The following CYP4A22 variants were observed in gnomAD, a reference collection of about 807,000 sequenced individuals.
CYP4A22 encodes the protein cytochrome P450 family 4 subfamily A member 22, also known as cytochrome P450 4A22.
A neutral mutation model predicts 56.2 loss-of-function variants in CYP4A22; 46 were observed. That is an observed-to-expected ratio of 0.82 (90% confidence interval 0.65 to 1.05). The LOEUF is 1.05. Among genes scored for constraint, CYP4A22 ranks in the 50% least tolerant of loss-of-function variants. CYP4A22 has a pLI of 0.00. For missense variants in CYP4A22, 541 were observed against 645.9 expected, an observed-to-expected ratio of 0.84 and a Z score of 1.76; for synonymous variants, 193 against 251.1, an observed-to-expected ratio of 0.77 and a Z score of 2.19.
chr1:47,140,378 G>A (rs1238826360), intron 1 of CYP4A22, among the ~76,000 whole-genome samples: 1 of 152,092 alleles, frequency 6.6e-6, no homozygotes, highest in African/African-American at 2.4e-5. Context: ...AATATAACAA[G>A]TATGATTATA....
rs774220009 is a variant in CYP4A22, at chr1:47,137,648, C to G, written c.163C>G (p.Pro55Ala). 1.2e-6 allele frequency: 2 copies of G among 1,613,484 alleles called. No individual in the cohort carries two copies. The highest frequency in any genetic ancestry group is 3.3e-5 in the Admixed American group (2 of 60,004). Reference sequence around the variant, plus strand: ...AGCCCTCCAGCAGTTCCCGTGCCCTCCCTCCCACTGGCTCTTCGGGCACAT... The same window carrying G: ...AGCCCTCCAGCAGTTCCCGTGCCCTGCCTCCCACTGGCTCTTCGGGCACAT... ...LKALQQFPCP[P>A]SHWLFGHIQE... Residue 55 changes from proline to alanine, a missense_variant, in exon 1 of 12, where the codon CCC (proline) becomes GCC (alanine). Transcript: ENST00000371891.
In CYP4A22 at chr1:47,148,781, A is replaced by T. The variant is rs142987331; in HGVS notation, c.1544A>T (p.Asp515Val). The T allele has an allele frequency of 1.3e-4, 208 of 1,609,210 alleles. No homozygotes were observed. The Middle Eastern group carries it at 3.5e-3, about 27-fold the overall frequency. Residue 515 changes from aspartate (D) to valine (V), a missense_variant, in exon 12 of 12, where the codon GAC becomes GTC. Physicochemically the swap from Asp to Val is radical, Grantham distance 152. This residue lies in a region of CYP4A22 where 204 missense variants were observed against 258.9 expected (regional missense o/e 0.79). Coordinates refer to ENST00000371891, the MANE Select transcript of CYP4A22 (RefSeq NM_001010969.4). ...RLRRLPNPCEDKDQL is the reference protein window; with the variant it reads ...RLRRLPNPCEVKDQL The stretch of plus-strand genomic sequence containing the variant: ...AGGAGGCTCCCTAACCCTTGTGAAG[A>T]CAAGGACCAGCTTTGAGGGCCTCCA...
chr1:47,138,558 G>C (rs1406135975), intron 1 of CYP4A22, among the ~76,000 whole-genome samples: 1 of 152,204 alleles, frequency 6.6e-6, no homozygotes, highest in Non-Finnish European at 1.5e-5. Flanking sequence ...GCTGCATGTA[G>C]CTCAGGATGG....
chr1:47,147,581 C>G (rs373819504), intron 11 of CYP4A22, among the ~76,000 whole-genome samples: 1 of 152,172 alleles, frequency 6.6e-6, no homozygotes, highest in African/African-American at 2.4e-5. Flanking sequence ...TGGTGCTGTC[C>G]GTGGCACTGG....
chr1:47,141,495 C>G lies in CYP4A22; in HGVS notation c.338-76C>G, dbSNP rs1645008494. The G allele has an allele frequency of 4.5e-6, 7 of 1,543,346 alleles. No homozygotes were observed. The Admixed American group carries it at 1.0e-4, about 23-fold the overall frequency. ...GGTCAAACTGCCAACTGACAGACAC[C>G]AAGAACTGATGCTGCCTCTGAGACT... On this transcript the variant is annotated intron_variant, in intron 2 of 11. Transcript: ENST00000371891.
Position 47,137,832 on chromosome 1 carries a change from C to T in CYP4A22, c.195+152C>T, listed in dbSNP as rs1644961242. 8 of 1,364,904 alleles carry T rather than the reference C, an allele frequency of 5.9e-6. No individual in the cohort carries two copies. The South Asian group carries it at 1.1e-4, about 19-fold the overall frequency. 84.5% of individuals were successfully genotyped at this position (1,364,904 alleles called of 1,614,324 possible). A position where few individuals can be genotyped will look rare whatever the true frequency, so the allele number is the denominator to read the frequency against. ...CTACCTCTCTGGTTTCAGCTTGTCC[C>T]AGTCATGAGGAGCTCACTCCTCCCA... On this transcript the variant is annotated intron_variant, in intron 1 of 11. Transcript: ENST00000371891.
chr1:47,137,476 G>A lies in CYP4A22; in HGVS notation c.-10G>A. The A allele has an allele frequency of 6.2e-7, 1 of 1,608,746 alleles. No homozygotes were observed. The highest frequency in any genetic ancestry group is 8.5e-7 in the Non-Finnish European group (1 of 1,177,120). On this transcript the variant is annotated 5_prime_UTR_variant, in exon 1 of 12. The change creates a new upstream start codon in the 5' untranslated region. Transcript: ENST00000371891. ...GAAGGGGCACTCAGAGATCCAGCAG[G>A]TGCTGCACCATGAGTGTCTCTGTCC...
intron 4 of CYP4A22, 57 bp downstream of exon 4, chr1:47,142,292 A>G: frequency 6.5e-7 from 1 of 1,529,902 alleles, no homozygotes; most frequent in Non-Finnish European, 8.8e-7. Flanking sequence ...ACTCTCACCA[A>G]CTCCACTCTC....
At chr1:47,146,606 G>A in intron 11 of CYP4A22, 7 of 1,015,860 alleles carry the variant, frequency 6.9e-6, no homozygotes, top group Non-Finnish European at 8.3e-6. Context: ...CTGTCGTAGA[G>A]ATGAATCATT....
rs779738373 is a variant in CYP4A22 at position 47,137,698 on chromosome 1, G to C, written c.195+18G>C. On this transcript the variant is annotated intron_variant, in intron 1 of 11. Transcript: ENST00000371891. ...TCCAGGAGGTAGGGAGGAACTCAGT[G>C]GGGGAGTGGGAGGGCAAGGAGGGAT... The C allele has an allele frequency of 6.3e-7, 1 of 1,596,590 alleles. No individual in the cohort carries two copies. The highest frequency in any genetic ancestry group is 8.5e-7 in the Non-Finnish European group (1 of 1,170,132).
intron 11 of CYP4A22, among the ~76,000 whole-genome samples, chr1:47,147,824 G>A (rs556841147): frequency 6.6e-6 from 1 of 152,334 alleles, no homozygotes; most frequent in South Asian, 2.1e-4. Context: ...TCTGCCGGCT[G>A]AGGCATTGGG....
intron 11 of CYP4A22, among the ~76,000 whole-genome samples, chr1:47,148,219 C>T (rs1645096348): frequency 6.6e-6 from 1 of 152,230 alleles, no homozygotes; most frequent in Non-Finnish European, 1.5e-5. Flanking sequence ...CCTACAGGAC[C>T]TGAACTGACC....
rs745474045 is a variant in CYP4A22, at chr1:47,137,630, C to G, written c.145C>G (p.Gln49Glu). 1 of 1,614,068 alleles carries G rather than the reference C, an allele frequency of 6.2e-7. No homozygotes were observed. Among genetic ancestry groups the G allele is most frequent in the East Asian group, 2.2e-5 (1 of 44,872 alleles). ...TAGGCAGTGGCTGCTCAAAGCCCTC[C>G]AGCAGTTCCCGTGCCCTCCCTCCCA... is the stretch of plus-strand genomic sequence containing the variant. ...LHRQWLLKAL[Q>E]QFPCPPSHWL... Residue 49 changes from glutamine (Q) to glutamate (E), a missense_variant, in exon 1 of 12, where the codon CAG (glutamine) becomes GAG (glutamate). By Grantham distance (29) the Gln-to-Glu change is conservative. This residue lies in a region of CYP4A22 where 335 missense variants were observed against 361.2 expected (regional missense o/e 0.93). Transcript: ENST00000371891.
In CYP4A22 at chr1:47,148,992, A is replaced by G. The variant is rs10789502; in HGVS notation, c.*195A>G. ...CTACCTGTCTCCTACCCACCTGTAT[A>G]TCTTGTTGGGAGAAAAGCTGAGTGT... On this transcript the variant is annotated 3_prime_UTR_variant, in exon 12 of 12. Coordinates refer to ENST00000371891, the MANE Select transcript of CYP4A22 (RefSeq NM_001010969.4). 1.2e-5 allele frequency: 7 copies of G among 564,726 alleles called. No individual in the cohort carries two copies. The highest frequency in any genetic ancestry group is 2.1e-5 in the Non-Finnish European group (7 of 340,858). 35.0% of individuals were successfully genotyped at this position (564,726 alleles called of 1,614,324 possible).
intron 11 of CYP4A22, 194 bp downstream of exon 11, chr1:47,146,347 T>C (rs940921430): frequency 1.2e-5 from 17 of 1,457,048 alleles, no homozygotes; most frequent in African/African-American, 7.1e-5. Flanking sequence ...GAGCACCCCA[T>C]GGAGACTTTG....
rs1569808671 is a variant in CYP4A22 at position 47,143,884 on chromosome 1, A to G, written c.758A>G (p.His253Arg). 1 of 1,613,248 alleles carries G rather than the reference A, an allele frequency of 6.2e-7. No homozygotes were observed. Among genetic ancestry groups the G allele is most frequent in the East Asian group, 2.2e-5 (1 of 44,852 alleles). The change falls in exon 6 of 12, where the codon CAC becomes CGC. Residue 253 changes from histidine to arginine, a missense_variant. Transcript: ENST00000371891. ...CTGACCTCTGCTGGCCGCTGGACAC[A>G]CCGCGCCTGCCAGCTGGCCCATCAG... The part of the protein sequence containing the change: ...YSLTSAGRWT[H>R]RACQLAHQHT...
At chr1:47,141,752 A>G in intron 3 of CYP4A22, 137 bp downstream of exon 3, 3 of 1,208,112 alleles carry the variant, frequency 2.5e-6, no homozygotes, top group Non-Finnish European at 3.4e-6. Context: ...CCCTCTTCTA[A>G]CAAGACCCTC....
chr1:47,144,788 C>T (rs955524875), intron 8 of CYP4A22, 48 bp downstream of exon 8: 1 of 1,611,554 alleles, frequency 6.2e-7, no homozygotes, highest in African/African-American at 1.3e-5. Flanking sequence ...TCCACAGGGG[C>T]CCCTGGTCTG....
chr1:47,144,272 C>A (rs12734074), intron 6 of CYP4A22, 85 bp from the exon 7 acceptor site: 201,631 of 1,505,370 alleles, frequency 0.13, 4,177 homozygotes, highest in East Asian at 0.28. Flanking sequence ...CTACCAGGCA[C>A]CCACACTGGG....
Sources: gnomAD v4.1 joint callset for allele counts (sites outside exome capture counted in the v4.1 genomes callset) on GRCh38, gnomAD v4.1.1 for gene constraint, gnomAD v4.1.1 regional missense constraint, MANE v1.5 for transcripts, NCBI Gene and HGNC (gene_info 2026-07-23, HGNC 2026-07-21) for gene names.